WDR5: variants seen among roughly 807,000 people sequenced by gnomAD.
WDR5 encodes WD repeat domain 5.
For synonymous variants in WDR5, 144 were observed against 161.6 expected, an observed-to-expected ratio of 0.89 and a Z score of 0.83; for missense variants, 187 against 416.9, an observed-to-expected ratio of 0.45 and a Z score of 4.80.
intron 13 of WDR5, among the ~76,000 whole-genome samples, chr9:134,156,940 GC>G (rs1316944638): frequency 6.6e-6 from 1 of 152,192 alleles, no homozygotes; most frequent in Non-Finnish European, 1.5e-5. Context: ...GGTCATCGCT[GC>G]CCCATCCTGG....
At position 134,158,083 on chromosome 9, in the gene WDR5, G is replaced by A; in HGVS notation, c.*90G>A. ...GTCTTGGAGGTGGTCCCCCAGATCT[G>A]CGCCTGGGGGTCAGGACAGGGCCTG... On this transcript the variant is annotated 3_prime_UTR_variant, in exon 14 of 14. Transcript: ENST00000358625. 1 of 1,188,534 alleles carries A rather than the reference G, an allele frequency of 8.4e-7. No individual in the cohort carries two copies. The highest frequency in any genetic ancestry group is 1.2e-6 in the Non-Finnish European group (1 of 804,654). The allele number at this position is 1,188,534 out of a possible 1,614,324, so 73.6% of individuals were successfully genotyped here.
intron 8 of WDR5, 51 bp downstream of exon 8, chr9:134,148,394 C>G (rs766656473): frequency 3.4e-5 from 51 of 1,516,048 alleles, no homozygotes; most frequent in Non-Finnish European, 4.7e-5. Flanking sequence ...AACTAAGGGC[C>G]AGCTCTTGCA....
chr9:134,152,126 G>A, intron 9 of WDR5, 97 bp downstream of exon 9: 2 of 1,434,110 alleles, frequency 1.4e-6, no homozygotes. Flanking sequence ...TCCCTCCTCT[G>A]CCCTGGGTCC....
Position 134,157,194 on chromosome 9 carries a change from C to T in WDR5, c.904+601C>T, listed in dbSNP as rs1832786722. Among the ~76,000 whole-genome samples, 1 of 152,228 alleles carries T rather than the reference C, an allele frequency of 6.6e-6. No homozygotes were observed. Among genetic ancestry groups the T allele is most frequent in the South Asian group, 2.1e-4 (1 of 4,830 alleles). On this transcript the variant is annotated intron_variant, in intron 13 of 13. Coordinates refer to ENST00000358625, the MANE Select transcript of WDR5 (RefSeq NM_017588.3). This position sits in a 1 kb window ranked among gnomAD's most constrained non-coding sequence, Gnocchi z 5.0. ...CTTGTGGAAATCTGGGGAGGCACTG[C>T]TTCTCCCTCCCTGTGAGCAGCTTCA...
chr9:134,159,295 G>T lies in WDR5; in HGVS notation c.*1302G>T, dbSNP rs1360185647. The T allele has an allele frequency of 1.3e-5, 2 of 152,782 alleles. No individual in the cohort carries two copies. The highest frequency in any genetic ancestry group is 2.9e-5 in the Non-Finnish European group (2 of 68,536). 9.5% of individuals were successfully genotyped at this position (152,782 alleles called of 1,614,324 possible). On this transcript the variant is annotated 3_prime_UTR_variant, in exon 14 of 14. Transcript: ENST00000358625. This position sits in a 1 kb window ranked among gnomAD's most constrained non-coding sequence, Gnocchi z 4.3. Reference sequence around the variant, plus strand: ...GCTGAGGGCACAGGTGCCTGGGTCTGTCCCACGGGGCAGGGCTTTGGGGCT... The same window carrying T: ...GCTGAGGGCACAGGTGCCTGGGTCTTTCCCACGGGGCAGGGCTTTGGGGCT...
intron 10 of WDR5, among the ~76,000 whole-genome samples, chr9:134,154,780 G>A (rs1291917320): frequency 2.0e-5 from 3 of 152,214 alleles, no homozygotes; most frequent in Non-Finnish European, 2.9e-5. Context: ...TTTTCTGGTT[G>A]AGCAACTGTG....
In WDR5 at chr9:134,146,581, C is replaced by T. The variant is rs112135889; in HGVS notation, c.529-1707C>T. Among the ~76,000 whole-genome samples, 1,320 of 152,314 alleles carry T rather than the reference C, an allele frequency of 8.7e-3. 18 individuals carry two copies. The highest frequency in any genetic ancestry group is 0.03 in the African/African-American group (1,246 of 41,562). ...AGTTAACTTTTCTGGCAGCCTTCTG[C>T]TGGAGTGCAGTGGATGGGCTGTATT... On this transcript the variant is annotated intron_variant, in intron 7 of 13. Transcript: ENST00000358625.
At chr9:134,140,998 G>A (rs760247620) in intron 3 of WDR5, among the ~76,000 whole-genome samples, 187 bp downstream of exon 3, 1 of 152,180 alleles carries the variant, frequency 6.6e-6, no homozygotes, top group African/African-American at 2.4e-5. Context: ...AATTGCCCGT[G>A]GGGGGCCAGG....
intron 1 of WDR5, among the ~76,000 whole-genome samples, chr9:134,139,399 A>G (rs146607783): frequency 6.6e-6 from 1 of 152,084 alleles, no homozygotes; most frequent in Non-Finnish European, 1.5e-5. Flanking sequence ...TTTGGATGTG[A>G]TCCCAAATTT....
chr9:134,148,211 TGAG>T, intron 7 of WDR5, 74 bp from the exon 8 acceptor site: 13 of 290,332 alleles, frequency 4.5e-5, no homozygotes, highest in East Asian at 7.4e-5. Context: ...TTTTTTTTTT[TGAG>T]ATCAGGTAAG....
intron 8 of WDR5, among the ~76,000 whole-genome samples, chr9:134,149,517 G>A (rs1832388478): frequency 6.6e-6 from 1 of 152,234 alleles, no homozygotes; most frequent in African/African-American, 2.4e-5. Flanking sequence ...GGTGAGCTAT[G>A]GGCGAGCGTG....
Position 134,158,095 on chromosome 9 carries a change from C to T in WDR5, c.*102C>T, listed in dbSNP as rs917042789. 4 of 1,022,476 alleles carry T rather than the reference C, an allele frequency of 3.9e-6. No homozygotes were observed. The highest frequency in any genetic ancestry group is 6.0e-6 in the Non-Finnish European group (4 of 662,278). 63.3% of individuals were successfully genotyped at this position (1,022,476 alleles called of 1,614,324 possible). On this transcript the variant is annotated 3_prime_UTR_variant, in exon 14 of 14. Transcript: ENST00000358625. ...GTCCCCCAGATCTGCGCCTGGGGGTCAGGACAGGGCCTGATTTGAGCCTCC... is the reference window on the plus strand; with the variant it reads ...GTCCCCCAGATCTGCGCCTGGGGGTTAGGACAGGGCCTGATTTGAGCCTCC...
intron 7 of WDR5, among the ~76,000 whole-genome samples, chr9:134,144,710 C>G (rs1159121677): frequency 6.6e-6 from 1 of 152,014 alleles, no homozygotes; most frequent in Admixed American, 6.6e-5. Context: ...CGTAGTGATG[C>G]GCACGTGTGG....
At chr9:134,139,993 G>A in intron 2 of WDR5, 35 bp downstream of exon 2, 2 of 1,610,792 alleles carry the variant, frequency 1.2e-6, no homozygotes, top group Non-Finnish European at 1.7e-6. Flanking sequence ...CACCTTCCGG[G>A]GGCAAATACG....
rs1831961731 is a variant in WDR5 at position 134,142,789 on chromosome 9, G to C, written c.528+70G>C. 3 of 1,515,850 alleles carry C rather than the reference G, an allele frequency of 2.0e-6. No individual in the cohort carries two copies. The South Asian group carries it at 3.4e-5, about 17-fold the overall frequency. 93.9% of individuals were successfully genotyped at this position (1,515,850 alleles called of 1,614,324 possible). On this transcript the variant is annotated intron_variant, in intron 7 of 13. Transcript: ENST00000358625. ...TCTCTGACATCGGATGTGGCCAGCT[G>C]TCTCCCTGAGGGGCGTAAGCCTGGC...
intron 11 of WDR5, 58 bp downstream of exon 11, chr9:134,155,431 G>T (rs1832704371): frequency 6.4e-7 from 1 of 1,552,284 alleles, no homozygotes; most frequent in Admixed American, 2.0e-5. Context: ...ATGGCCTCTG[G>T]TGGGGACAGA....
chr9:134,142,219 G>A, intron 5 of WDR5, 114 bp from the exon 6 acceptor site: 1 of 1,266,014 alleles, frequency 7.9e-7, no homozygotes, highest in East Asian at 2.4e-5. Context: ...GGAACAGCAA[G>A]TCACTGGCGG....
chr9:134,148,197 T>C (rs1402316164), intron 7 of WDR5, 91 bp from the exon 8 acceptor site: 3 of 489,998 alleles, frequency 6.1e-6, no homozygotes, highest in Admixed American at 9.1e-5. Context: ...TTTTTTTTTT[T>C]TTTTTTTTTT....
rs544215074 is a variant in WDR5 at position 134,152,974 on chromosome 9, C to T, written c.631+945C>T. On this transcript the variant is annotated intron_variant, in intron 9 of 13. Transcript: ENST00000358625. Reference sequence around the variant, plus strand: ...CCCTTGGGCCTCATTTTCACTCTGTCGCCCTCTTTGAAGGCCCTGTCTCCA... The same window carrying T: ...CCCTTGGGCCTCATTTTCACTCTGTTGCCCTCTTTGAAGGCCCTGTCTCCA... Among the ~76,000 whole-genome samples, 7 of 152,310 alleles carry T rather than the reference C, an allele frequency of 4.6e-5. No homozygotes were observed. The South Asian group carries it at 6.2e-4, about 14-fold the overall frequency.
Sources: allele counts gnomAD v4.1 joint callset (sites outside exome capture counted in the v4.1 genomes callset), GRCh38; gene constraint gnomAD v4.1.1; non-coding constraint Gnocchi (gnomAD v3.1); transcripts MANE v1.5; gene names NCBI Gene and HGNC (gene_info 2026-07-23, HGNC 2026-07-21).